EFNA5: variants seen among roughly 807,000 people sequenced by gnomAD.
EFNA5 encodes the protein ephrin-A5.
Under a neutral mutation model 22.9 loss-of-function variants are expected in EFNA5, and 5 were observed. The observed-to-expected ratio is 0.22, with a 90% confidence interval of 0.11 to 0.46. EFNA5 has a LOEUF of 0.46. Ranked by LOEUF, EFNA5 falls within the 20% of genes least tolerant of loss-of-function variation. The pLI is 0.99. For synonymous variants in EFNA5, 113 were observed against 112.2 expected (o/e 1.01, Z -0.04); for missense variants, 237 against 293.3 (o/e 0.81, Z 1.40).
rs1237772343 is a variant in EFNA5 at position 107,670,537 on chromosome 5, T to A, written c.77A>T (p.Lys26Met). ...MCVFSQDPGS[K>M]AVADRYAVYW... is the part of the protein sequence containing the mutation. ...GACAGCGTAGCGGTCGGCGACGGCC[T>A]TGGAGCCCGGGTCCTGGCTGAACAC... Residue 26 changes from lysine (K) to methionine (M), a missense_variant, in exon 1 of 5, where the codon AAG (lysine) becomes ATG (methionine). Lys to Met is a moderately conservative substitution (Grantham distance 95). This residue lies in a region of EFNA5 where 120 missense variants were observed against 140.5 expected (regional missense o/e 0.85). Transcript: ENST00000333274. 2 of 1,589,812 alleles carry A rather than the reference T, an allele frequency of 1.3e-6. No homozygotes were observed. Among genetic ancestry groups the A allele is most frequent in the Non-Finnish European group, 1.7e-6 (2 of 1,167,700 alleles).
At chr5:107,427,548 G>A in intron 1 of EFNA5, 39 bp from the exon 2 acceptor site, 2 of 1,537,358 alleles carry the variant, frequency 1.3e-6, no homozygotes, top group Non-Finnish European at 1.8e-6. Context: ...AATTCATAGA[G>A]AAAGGGCTTT....
intron 1 of EFNA5, among the ~76,000 whole-genome samples, chr5:107,512,427 C>T (rs1488406384): frequency 6.6e-6 from 1 of 152,058 alleles, no homozygotes; most frequent in African/African-American, 2.4e-5. Context: ...CTTCCTCACA[C>T]AACCTGAAAT....
At chr5:107,603,040 G>A (rs1331993858) in intron 1 of EFNA5, among the ~76,000 whole-genome samples, 2 of 152,216 alleles carry the variant, frequency 1.3e-5, no homozygotes, top group Non-Finnish European at 2.9e-5. Context: ...TGTTCTTAAT[G>A]AGGGTCCTGG....
intron 1 of EFNA5, among the ~76,000 whole-genome samples, chr5:107,451,048 G>A (rs1217439890): frequency 2.6e-5 from 4 of 152,182 alleles, no homozygotes; most frequent in African/African-American, 9.7e-5. Flanking sequence ...CATAAAAGCT[G>A]GAGGTCTTAC....
intron 2 of EFNA5, among the ~76,000 whole-genome samples, chr5:107,401,981 TTCTGTGCAC>T (rs1211007617): frequency 2.6e-5 from 4 of 152,226 alleles, no homozygotes; most frequent in Non-Finnish European, 5.9e-5. Flanking sequence ...ACCATCGGCT[TTCTGTGCAC>T]TGCTGTGAGG....
At chr5:107,592,708 C>T (rs1472642087) in intron 1 of EFNA5, among the ~76,000 whole-genome samples, 1 of 152,110 alleles carries the variant, frequency 6.6e-6, no homozygotes, top group Non-Finnish European at 1.5e-5. Context: ...TGGAATAGGA[C>T]CTTTTCAATG....
chr5:107,437,163 G>A (rs79760829), intron 1 of EFNA5, among the ~76,000 whole-genome samples: 1 of 151,934 alleles, frequency 6.6e-6, no homozygotes, highest in African/African-American at 2.4e-5. Flanking sequence ...AAACAAACAA[G>A]AAATAAATTG....
intron 1 of EFNA5, among the ~76,000 whole-genome samples, chr5:107,457,833 C>T (rs1031651604): frequency 6.6e-6 from 1 of 152,192 alleles, no homozygotes; most frequent in Non-Finnish European, 1.5e-5. Flanking sequence ...ACATAGTGAT[C>T]CTCTGAATTG....
Position 107,589,638 on chromosome 5 carries a change from C to T in EFNA5, c.125+80851G>A, listed in dbSNP as rs558981570. On this transcript the variant is annotated intron_variant, in intron 1 of 4. Transcript: ENST00000333274. ...TTGTTTCCCTGCAGCTCCCACAATGCGGAGTGAAAGAGGCCATTTATCTGT... is the reference window on the plus strand; with the variant it reads ...TTGTTTCCCTGCAGCTCCCACAATGTGGAGTGAAAGAGGCCATTTATCTGT... Among the ~76,000 whole-genome samples the T allele has an allele frequency of 7.9e-5, 12 of 152,210 alleles. 1 individual carries two copies. In the South Asian group the frequency reaches 2.3e-3, roughly 29 times the overall value.
chr5:107,652,146 G>T (rs1238994217), intron 1 of EFNA5, among the ~76,000 whole-genome samples: 1 of 152,044 alleles, frequency 6.6e-6, no homozygotes, highest in Admixed American at 6.6e-5. Context: ...TCCACAACTT[G>T]ACCAACCTAC....
chr5:107,604,251 C>G (rs1287285190), intron 1 of EFNA5, among the ~76,000 whole-genome samples: 2 of 152,148 alleles, frequency 1.3e-5, no homozygotes, highest in African/African-American at 4.8e-5. Flanking sequence ...TGTATCACGG[C>G]TCACTGCCAC....
chr5:107,644,136 T>C (rs891079254), intron 1 of EFNA5, among the ~76,000 whole-genome samples: 4 of 152,102 alleles, frequency 2.6e-5, no homozygotes, highest in Non-Finnish European at 5.9e-5. Flanking sequence ...AGTTTGCCCA[T>C]GGATCCTTTA....
chr5:107,429,549 GAC>G (rs1748894324), intron 1 of EFNA5, among the ~76,000 whole-genome samples: 1 of 152,202 alleles, frequency 6.6e-6, no homozygotes, highest in Non-Finnish European at 1.5e-5. Flanking sequence ...AAAAAGTAGA[GAC>G]ACCATTCATT....
At chr5:107,564,957 G>A (rs1748632214) in intron 1 of EFNA5, among the ~76,000 whole-genome samples, 2 of 152,120 alleles carry the variant, frequency 1.3e-5, no homozygotes, top group Non-Finnish European at 2.9e-5. Context: ...TAAGTAAGTT[G>A]TATGTGACCT....
At position 107,428,668 on chromosome 5, in the gene EFNA5, A is replaced by G. The variant is rs185179288; in HGVS notation, c.126-1159T>C. On this transcript the variant is annotated intron_variant, in intron 1 of 4. Coordinates refer to ENST00000333274, the MANE Select transcript of EFNA5 (RefSeq NM_001962.3). The stretch of plus-strand genomic sequence containing the variant: ...GAGCCCTCAGAAATTTCATCATAAA[A>G]TTGTGTTACTGCTGAAATACAATGC... Among the ~76,000 whole-genome samples, 21 of 152,296 alleles carry G rather than the reference A, an allele frequency of 1.4e-4. No individual in the cohort carries two copies. The East Asian group carries it at 3.7e-3, about 27-fold the overall frequency.
At position 107,405,160 on chromosome 5, in the gene EFNA5, C is replaced by T. The variant is rs1165989352; in HGVS notation, c.419-17389G>A. Among the ~76,000 whole-genome samples the T allele has an allele frequency of 2.0e-5, 3 of 152,212 alleles. No individual in the cohort carries two copies. The East Asian group carries it at 5.8e-4, about 29-fold the overall frequency. On this transcript the variant is annotated intron_variant, in intron 2 of 4. Coordinates refer to ENST00000333274, the MANE Select transcript of EFNA5 (RefSeq NM_001962.3). ...GCCATGAAAGAAGACATTTCCCAGCCTGGCCTTGCCATCTCTGACCTCACA... is the reference window on the plus strand; with the variant it reads ...GCCATGAAAGAAGACATTTCCCAGCTTGGCCTTGCCATCTCTGACCTCACA...
intron 1 of EFNA5, among the ~76,000 whole-genome samples, chr5:107,558,610 A>T (rs1318611410): frequency 1.3e-5 from 2 of 152,222 alleles, no homozygotes; most frequent in African/African-American, 4.8e-5. Context: ...AAGGATAGGA[A>T]TGGAAAGAGA....
chr5:107,659,524 T>C (rs1386646955), intron 1 of EFNA5, among the ~76,000 whole-genome samples: 2 of 150,920 alleles, frequency 1.3e-5, no homozygotes, highest in African/African-American at 4.8e-5. Flanking sequence ...TTAGTTTCCT[T>C]TTCTTTCTCA....
chr5:107,476,057 T>TATACATATATATATATATA, intron 1 of EFNA5, among the ~76,000 whole-genome samples: 2 of 100,434 alleles, frequency 2.0e-5, no homozygotes, highest in East Asian at 3.4e-4. Context: ...TATATATATA[T>TATACATATATATATATATA]TTTTTTTTTT....
Sources: gnomAD v4.1 joint callset for allele counts (sites outside exome capture counted in the v4.1 genomes callset) on GRCh38, gnomAD v4.1.1 for gene constraint, gnomAD v4.1.1 regional missense constraint, MANE v1.5 for transcripts, NCBI Gene and HGNC (gene_info 2026-07-23, HGNC 2026-07-21) for gene names.